The following NDST1 variants were observed in gnomAD, a reference collection of about 807,000 sequenced individuals.
The protein encoded by NDST1 is N-deacetylase and N-sulfotransferase 1, also known as bifunctional heparan sulfate N-deacetylase/N-sulfotransferase 1.
A neutral mutation model predicts 92.8 loss-of-function variants in NDST1; 35 were observed. That is an observed-to-expected ratio of 0.38 (90% CI 0.29 to 0.50). The LOEUF is 0.50. NDST1 is among the 20% of genes least tolerant of loss of function. The pLI is 0.94. For synonymous variants in NDST1, 493 were observed against 500.3 expected, an observed-to-expected ratio of 0.99 and a Z score of 0.19; for missense variants, 822 against 1,182.7, an observed-to-expected ratio of 0.69 and a Z score of 4.47.
intron 10 of NDST1, among the ~76,000 whole-genome samples, chr5:150,544,868 T>G (rs879245684): frequency 2.0e-5 from 3 of 152,154 alleles, no homozygotes; most frequent in Non-Finnish European, 2.9e-5. Flanking sequence ...AAGTCCGCCC[T>G]CTGGAGGCCC....
At chr5:150,539,838 C>T (rs1335806860) in intron 7 of NDST1, 2 of 952,438 alleles carry the variant, frequency 2.1e-6, no homozygotes, top group African/African-American at 3.5e-5. Flanking sequence ...AAATAAAACC[C>T]AAATAGCTCC....
intron 1 of NDST1, among the ~76,000 whole-genome samples, chr5:150,502,545 C>G (rs950083058): frequency 2.3e-4 from 35 of 152,152 alleles, no homozygotes; most frequent in African/African-American, 8.2e-4. Flanking sequence ...CACATGGGTG[C>G]TGGGTCCTGC....
chr5:150,542,829 G>T lies in NDST1; in HGVS notation c.1847-19G>T, dbSNP rs745911944. 1 of 1,614,016 alleles carries T rather than the reference G, an allele frequency of 6.2e-7. No individual in the cohort carries two copies. Among genetic ancestry groups the T allele is most frequent in the Non-Finnish European group, 8.5e-7 (1 of 1,179,922 alleles). On this transcript the variant is annotated intron_variant, in intron 9 of 14. Transcript: ENST00000261797. Reference sequence around the variant, plus strand: ...CTGGGGGCTGGGCCCTGGGTCTCAGGTGTCTACCCTCCCCACAGGCACCAC... The same window carrying T: ...CTGGGGGCTGGGCCCTGGGTCTCAGTTGTCTACCCTCCCCACAGGCACCAC...
intron 11 of NDST1, among the ~76,000 whole-genome samples, 175 bp downstream of exon 11, chr5:150,545,661 C>T (rs959346659): frequency 2.0e-5 from 3 of 152,192 alleles, no homozygotes; most frequent in Non-Finnish European, 2.9e-5. Context: ...AGGAGACAGG[C>T]GGAAATGGAA....
chr5:150,500,495 A>G (rs1175759998), intron 1 of NDST1, among the ~76,000 whole-genome samples: 1 of 152,232 alleles, frequency 6.6e-6, no homozygotes, highest in Non-Finnish European at 1.5e-5. Context: ...CTTGGAGAGG[A>G]TAACACAGAG....
At chr5:150,530,849 C>T (rs1481429920) in intron 3 of NDST1, among the ~76,000 whole-genome samples, 3 of 152,066 alleles carry the variant, frequency 2.0e-5, no homozygotes, top group Non-Finnish European at 4.4e-5. Context: ...CATGAGCCAC[C>T]GCACCTGGCC....
intron 1 of NDST1, 41 bp downstream of exon 1, chr5:150,508,267 A>G (rs145003561): frequency 6.5e-6 from 1 of 152,968 alleles, no homozygotes; most frequent in Non-Finnish European, 1.4e-5. Context: ...GCTCCTGTCC[A>G]CTCTGACCAC....
At position 150,554,207 on chromosome 5, in the gene NDST1, C is replaced by T; in HGVS notation, c.*875C>T. The T allele has an allele frequency of 2.5e-6, 1 of 398,612 alleles. No individual in the cohort carries two copies. The highest frequency in any genetic ancestry group is 4.4e-6 in the Non-Finnish European group (1 of 225,914). 24.7% of individuals were successfully genotyped at this position (398,612 alleles called of 1,614,324 possible). ...TGCCAGCCACGGCTTTGCTTAGCCA[C>T]CTGTGGCCGAGGGCTCTCAGAGACC... On this transcript the variant is annotated 3_prime_UTR_variant, in exon 15 of 15. Transcript: ENST00000261797.
At chr5:150,539,465 A>C in intron 7 of NDST1, 109 bp downstream of exon 7, 1 of 1,597,526 alleles carries the variant, frequency 6.3e-7, no homozygotes, top group African/African-American at 1.3e-5. Context: ...GGCATGAGTG[A>C]GTGCCTGGCA....
In NDST1 at chr5:150,521,894, G is replaced by T; in HGVS notation, c.513+127G>T. The T allele has an allele frequency of 8.1e-7, 1 of 1,231,122 alleles. No individual in the cohort carries two copies. The highest frequency in any genetic ancestry group is 1.2e-6 in the Non-Finnish European group (1 of 859,682). The allele number at this position is 1,231,122 out of a possible 1,614,324, so 76.3% of individuals were successfully genotyped here. ...TGGGGTTGTTGGGAGGGTTAAATGAGTGAGTATATGTAAAGCACTGGGAGC... is the reference window on the plus strand; with the variant it reads ...TGGGGTTGTTGGGAGGGTTAAATGATTGAGTATATGTAAAGCACTGGGAGC... On this transcript the variant is annotated intron_variant, in intron 2 of 14. Coordinates refer to ENST00000261797, the MANE Select transcript of NDST1 (RefSeq NM_001543.5). The surrounding 1 kb of genome is among the most constrained non-coding windows in gnomAD (Gnocchi z 5.9).
chr5:150,511,277 C>T (rs1753708721), intron 1 of NDST1, among the ~76,000 whole-genome samples: 1 of 152,232 alleles, frequency 6.6e-6, no homozygotes, highest in Non-Finnish European at 1.5e-5. Context: ...GCACAAGGCT[C>T]TTGAGTACCT....
At chr5:150,500,469 T>A (rs1753182026) in intron 1 of NDST1, among the ~76,000 whole-genome samples, 1 of 152,170 alleles carries the variant, frequency 6.6e-6, no homozygotes. Context: ...CGTGGCTGAG[T>A]GCAATGTGAG....
intron 1 of NDST1, among the ~76,000 whole-genome samples, chr5:150,514,582 AG>A (rs1753875795): frequency 6.7e-6 from 1 of 149,638 alleles, no homozygotes; most frequent in Non-Finnish European, 1.5e-5. Flanking sequence ...AAAAAAAAAA[AG>A]TGCTTAGCAC....
intron 6 of NDST1, among the ~76,000 whole-genome samples, chr5:150,538,704 C>A (rs1198499202): frequency 6.6e-6 from 1 of 152,156 alleles, no homozygotes. Flanking sequence ...CAGCACCAGG[C>A]CCTCGTGCTG....
Position 150,553,284 on chromosome 5 carries a change from C to G in NDST1, c.2601C>G (p.Gly867=), listed in dbSNP as rs978650648. ...IELSKLLYKM[G]QTLPTWLRED... is the part of the protein sequence containing the mutation. Reference sequence around the variant, plus strand: ...TCTCCAAGCTGCTGTATAAGATGGGCCAGACACTTCCCACTTGGCTACGAG... The same window carrying G: ...TCTCCAAGCTGCTGTATAAGATGGGGCAGACACTTCCCACTTGGCTACGAG... The change falls in exon 15 of 15, where the codon GGC becomes GGG. Residue 867 remains glycine (G), a synonymous_variant. Coordinates refer to ENST00000261797, the MANE Select transcript of NDST1 (RefSeq NM_001543.5). The surrounding 1 kb of genome is among the most constrained non-coding windows in gnomAD (Gnocchi z 4.2). The G allele has an allele frequency of 1.2e-6, 2 of 1,613,854 alleles. No homozygotes were observed. The highest frequency in any genetic ancestry group is 2.7e-5 in the African/African-American group (2 of 75,032).
Position 150,553,289 on chromosome 5 carries a change from C to T in NDST1, c.2606C>T (p.Thr869Ile), listed in dbSNP as rs764558998. The change falls in exon 15 of 15, where the codon ACA (threonine) becomes ATA (isoleucine). Residue 869 changes from threonine to isoleucine, a missense_variant. Coordinates refer to ENST00000261797, the MANE Select transcript of NDST1 (RefSeq NM_001543.5). This position sits in a 1 kb window ranked among gnomAD's most constrained non-coding sequence, Gnocchi z 4.2. ...AAGCTGCTGTATAAGATGGGCCAGA[C>T]ACTTCCCACTTGGCTACGAGAGGAC... ...LSKLLYKMGQ[T>I]LPTWLREDLQ... The T allele has an allele frequency of 6.2e-7, 1 of 1,613,882 alleles. No homozygotes were observed. Among genetic ancestry groups the T allele is most frequent in the East Asian group, 2.2e-5 (1 of 44,878 alleles).
At chr5:150,549,406 A>T (rs1298336756) in intron 12 of NDST1, among the ~76,000 whole-genome samples, 2 of 152,098 alleles carry the variant, frequency 1.3e-5, no homozygotes, top group African/African-American at 2.4e-5. Context: ...CCAGAGAGGG[A>T]TGTTTGTAGG....
chr5:150,548,126 A>T (rs1411492855), intron 11 of NDST1, 92 bp from the exon 12 acceptor site: 13 of 1,485,998 alleles, frequency 8.7e-6, no homozygotes, highest in African/African-American at 1.4e-5. Flanking sequence ...CCAGCTGAGG[A>T]TCTTCTGGCC....
exon 1 of NDST1, chr5:150,498,204 A>T (rs1398436862): frequency 6.6e-6 from 1 of 152,366 alleles, no homozygotes; most frequent in Non-Finnish European, 1.5e-5. Flanking sequence ...TTGGCTTCTG[A>T]GCTGGCACCT....
Sources: allele counts gnomAD v4.1 joint callset (sites outside exome capture counted in the v4.1 genomes callset), GRCh38; gene constraint gnomAD v4.1.1; non-coding constraint Gnocchi (gnomAD v3.1); transcripts MANE v1.5; gene names NCBI Gene and HGNC (gene_info 2026-07-23, HGNC 2026-07-21).